ANKS1A: variants seen among roughly 807,000 people sequenced by gnomAD.
ANKS1A encodes the protein ankyrin repeat and SAM domain-containing protein 1A.
In ANKS1A, 55 loss-of-function variants were observed where a neutral mutation model predicts 120.3. The ratio of observed to expected loss-of-function variants is 0.46; its 90% CI spans 0.37 to 0.57. The LOEUF is 0.57. Among genes scored for constraint, ANKS1A ranks in the 20% least tolerant of loss-of-function variants. The pLI is 0.00. For missense variants in ANKS1A, 1,123 were observed against 1,480.3 expected (o/e 0.76, Z 3.96); for synonymous variants, 590 against 604.7 (o/e 0.98, Z 0.36).
At chr6:34,966,388 G>C (rs936021154) in intron 1 of ANKS1A, among the ~76,000 whole-genome samples, 2 of 151,730 alleles carry the variant, frequency 1.3e-5, no homozygotes, top group African/African-American at 4.8e-5. Context: ...CACTTTTTGG[G>C]GGAAAAAAAA....
chr6:34,957,046 G>C (rs1770407855), intron 1 of ANKS1A, among the ~76,000 whole-genome samples: 1 of 152,188 alleles, frequency 6.6e-6, no homozygotes. Context: ...TTCACAGGCT[G>C]CAGAGATTCA....
intron 10 of ANKS1A, among the ~76,000 whole-genome samples, chr6:35,003,029 T>C (rs980548575): frequency 2.0e-5 from 3 of 149,750 alleles, no homozygotes; most frequent in Admixed American, 6.7e-5. Flanking sequence ...GCCTGACCAG[T>C]GGACAGGTAG....
chr6:34,991,619 TACAC>T (rs778889901), intron 9 of ANKS1A, among the ~76,000 whole-genome samples: 1 of 148,470 alleles, frequency 6.7e-6, no homozygotes, highest in Non-Finnish European at 1.5e-5. Flanking sequence ...TATACGTATA[TACAC>T]ACACATATAT....
Position 35,085,769 on chromosome 6 carries a change from C to A in ANKS1A, c.3136C>A (p.Leu1046Met). Residue 1046 changes from leucine (L) to methionine (M), a missense_variant, in exon 22 of 24, where the codon CTG (leucine) becomes ATG (methionine). Coordinates refer to ENST00000360359, the MANE Select transcript of ANKS1A (RefSeq NM_015245.3). This position sits in a 1 kb window ranked among gnomAD's most constrained non-coding sequence, Gnocchi z 4.7. ...CHVFSTVDVNLTYEIILTLGQ... is the reference protein window; with the variant it reads ...CHVFSTVDVNMTYEIILTLGQ... ...GTGGTGATCTGCTTCCTCCCAGAACCTGACCTACGAGATCATCCTGACGCT... is the reference window on the plus strand; with the variant it reads ...GTGGTGATCTGCTTCCTCCCAGAACATGACCTACGAGATCATCCTGACGCT... The A allele has an allele frequency of 6.3e-7, 1 of 1,586,884 alleles. No individual in the cohort carries two copies. Among genetic ancestry groups the A allele is most frequent in the Non-Finnish European group, 8.6e-7 (1 of 1,166,738 alleles).
intron 1 of ANKS1A, among the ~76,000 whole-genome samples, chr6:34,895,344 AG>A (rs1034102609): frequency 2.6e-5 from 4 of 152,082 alleles, no homozygotes; most frequent in African/African-American, 9.7e-5. Context: ...CCACCATGCC[AG>A]GCTAGACTTC....
At chr6:35,053,729 G>T (rs534903583) in intron 11 of ANKS1A, among the ~76,000 whole-genome samples, 2 of 152,256 alleles carry the variant, frequency 1.3e-5, no homozygotes, top group Non-Finnish European at 2.9e-5. Context: ...AAATTCTAGC[G>T]TGAGCAATGA....
chr6:34,936,336 C>T (rs1308608886), intron 1 of ANKS1A, among the ~76,000 whole-genome samples: 2 of 152,168 alleles, frequency 1.3e-5, no homozygotes, highest in Non-Finnish European at 2.9e-5. Context: ...TGTGCCTGTC[C>T]TCACAGTGGA....
intron 1 of ANKS1A, among the ~76,000 whole-genome samples, chr6:34,916,347 A>G (rs994165487): frequency 4.6e-5 from 7 of 151,712 alleles, no homozygotes; most frequent in Admixed American, 2.6e-4. Context: ...ATGGAGATTT[A>G]TGGAGGATGA....
chr6:35,071,551 C>T (rs1263863992), intron 13 of ANKS1A, among the ~76,000 whole-genome samples: 7 of 151,996 alleles, frequency 4.6e-5, no homozygotes, highest in Non-Finnish European at 8.8e-5. Flanking sequence ...CCCATCATGG[C>T]CTGAACCTGT....
chr6:34,899,772 A>G (rs1247731404), intron 1 of ANKS1A, among the ~76,000 whole-genome samples: 1 of 152,290 alleles, frequency 6.6e-6, no homozygotes, highest in East Asian at 1.9e-4. Context: ...GCTCATAACT[A>G]TCCACATCAT....
At chr6:35,005,730 A>G in intron 10 of ANKS1A, 1 of 450,940 alleles carries the variant, frequency 2.2e-6, no homozygotes, top group South Asian at 1.6e-5. Context: ...AAGAAAGAGG[A>G]AAAAACCGCT....
chr6:35,023,061 T>C (rs886513342), intron 11 of ANKS1A, among the ~76,000 whole-genome samples: 2 of 152,162 alleles, frequency 1.3e-5, no homozygotes, highest in East Asian at 3.9e-4. Flanking sequence ...TGTCGTGCAT[T>C]AATAGGCCAA....
chr6:35,014,473 C>G (rs1773909358), intron 10 of ANKS1A, among the ~76,000 whole-genome samples: 1 of 152,166 alleles, frequency 6.6e-6, no homozygotes. Flanking sequence ...TTCCCCTTGG[C>G]ATGTGTCTGG....
intron 23 of ANKS1A, among the ~76,000 whole-genome samples, chr6:35,087,253 G>A (rs1327412719): frequency 1.3e-5 from 2 of 152,158 alleles, no homozygotes; most frequent in South Asian, 2.1e-4. Flanking sequence ...TACCACCACC[G>A]AACACTGTGA....
rs1778018816 is a variant in ANKS1A at position 35,086,855 on chromosome 6, CAG to C, written c.3304-96_3304-95del. On this transcript the variant is annotated intron_variant, in intron 22 of 23. Coordinates refer to ENST00000360359, the MANE Select transcript of ANKS1A (RefSeq NM_015245.3). The surrounding 1 kb of genome is among the most constrained non-coding windows in gnomAD (Gnocchi z 5.1). ...AGAATAAGGGCTGCCCCTCCCAGCA[CAG>C]GGGCCACAGCCTGGCCTGGGGGTGG... The C allele has an allele frequency of 8.1e-7, 1 of 1,231,790 alleles. No individual in the cohort carries two copies. Among genetic ancestry groups the C allele is most frequent in the Admixed American group, 1.7e-5 (1 of 59,242 alleles). The allele number at this position is 1,231,790 out of a possible 1,614,324, so 76.3% of individuals were successfully genotyped here.
intron 1 of ANKS1A, among the ~76,000 whole-genome samples, chr6:34,896,779 A>G (rs767376148): frequency 8.5e-5 from 13 of 152,196 alleles, no homozygotes; most frequent in Non-Finnish European, 1.9e-4. Context: ...AGCCTGGCCA[A>G]TATGGTAAAA....
intron 10 of ANKS1A, among the ~76,000 whole-genome samples, chr6:34,998,212 G>C (rs530423958): frequency 6.6e-6 from 1 of 152,182 alleles, no homozygotes; most frequent in Non-Finnish European, 1.5e-5. Context: ...AGGTATTACT[G>C]AATCTTTTCT....
At chr6:34,980,432 T>C (rs1015977915) in intron 3 of ANKS1A, among the ~76,000 whole-genome samples, 2 of 152,220 alleles carry the variant, frequency 1.3e-5, no homozygotes, top group South Asian at 4.1e-4. Context: ...CTTGGTATAG[T>C]TGGAAAAAAT....
chr6:35,072,571 C>T (rs756567043), intron 13 of ANKS1A, among the ~76,000 whole-genome samples: 2 of 152,216 alleles, frequency 1.3e-5, no homozygotes, highest in African/African-American at 2.4e-5. Flanking sequence ...GCACAGTGCC[C>T]GTGCTATGTA....
Sources: allele counts gnomAD v4.1 joint callset (sites outside exome capture counted in the v4.1 genomes callset), GRCh38; gene constraint gnomAD v4.1.1; non-coding constraint Gnocchi (gnomAD v3.1); transcripts MANE v1.5; gene names NCBI Gene and HGNC (gene_info 2026-07-23, HGNC 2026-07-21).